PHLDB2: variants seen among roughly 807,000 people sequenced by gnomAD.
PHLDB2 encodes pleckstrin homology-like domain family B member 2.
A neutral mutation model predicts 123.6 loss-of-function variants in PHLDB2; 71 were observed. That is an observed-to-expected ratio of 0.57 (90% CI 0.47 to 0.70). PHLDB2 has a LOEUF of 0.70. PHLDB2 is among the 30% of genes least tolerant of loss of function. PHLDB2 has a pLI of 0.00. For missense variants in PHLDB2, 1,446 were observed against 1,519.5 expected, an observed-to-expected ratio of 0.95 and a Z score of 0.80; for synonymous variants, 547 against 541.6, an observed-to-expected ratio of 1.01 and a Z score of -0.14.
At chr3:111,946,181 C>A (rs985649780) in intron 9 of PHLDB2, among the ~76,000 whole-genome samples, 2 of 152,042 alleles carry the variant, frequency 1.3e-5, no homozygotes, top group African/African-American at 4.8e-5. Flanking sequence ...GCCACCACAC[C>A]CAGCTGATTT....
intron 1 of PHLDB2, among the ~76,000 whole-genome samples, chr3:111,791,746 C>A (rs2060938345): frequency 6.6e-6 from 1 of 152,070 alleles, no homozygotes; most frequent in African/African-American, 2.4e-5. Flanking sequence ...TTGATACATG[C>A]ATACTATGTG....
At chr3:111,839,414 T>A (rs1273669365) in intron 1 of PHLDB2, among the ~76,000 whole-genome samples, 1 of 152,198 alleles carries the variant, frequency 6.6e-6, no homozygotes. Flanking sequence ...TCAACAGTGA[T>A]GCGCTCTCTG....
At chr3:111,741,597 AG>A (rs1014397986) in intron 1 of PHLDB2, among the ~76,000 whole-genome samples, 1 of 152,042 alleles carries the variant, frequency 6.6e-6, no homozygotes, top group Non-Finnish European at 1.5e-5. Context: ...TAATATGAGA[AG>A]GGCATTAAAT....
chr3:111,780,271 A>AGAAGAAAGAAGAAGAAGAAG (rs34178824), intron 1 of PHLDB2, among the ~76,000 whole-genome samples: 2 of 7,790 alleles, frequency 2.6e-4, no homozygotes, highest in African/African-American at 4.1e-4. Flanking sequence ...AAGAAGAAGA[A>AGAAGAAAGAAGAAGAAGAAG]AAGAAGAAGA....
chr3:111,910,580 C>T (rs184963920), intron 2 of PHLDB2, among the ~76,000 whole-genome samples: 1 of 152,310 alleles, frequency 6.6e-6, no homozygotes, highest in African/African-American at 2.4e-5. Flanking sequence ...GAGGTTCCAG[C>T]ATAATTATTA....
chr3:111,934,209 A>G (rs1248525936), intron 6 of PHLDB2, among the ~76,000 whole-genome samples: 2 of 152,108 alleles, frequency 1.3e-5, no homozygotes, highest in East Asian at 1.9e-4. Flanking sequence ...TTCACCTTAT[A>G]TTAAGAGGTC....
chr3:111,960,314 G>A (rs564944771), intron 12 of PHLDB2: 2 of 199,304 alleles, frequency 1.0e-5, no homozygotes, highest in Non-Finnish European at 1.8e-5. Flanking sequence ...TAGTCTTGTG[G>A]TGTGCTTTTA....
At chr3:111,783,486 A>G (rs956972621) in intron 1 of PHLDB2, among the ~76,000 whole-genome samples, 2 of 152,180 alleles carry the variant, frequency 1.3e-5, no homozygotes, top group Non-Finnish European at 2.9e-5. Flanking sequence ...GAGAAACATG[A>G]GCAAGGTAAA....
At chr3:111,893,107 A>T (rs186861336) in intron 2 of PHLDB2, among the ~76,000 whole-genome samples, 33 of 152,136 alleles carry the variant, frequency 2.2e-4, no homozygotes, top group Middle Eastern at 3.4e-3. Context: ...CCCCCAAAAT[A>T]AGTTGGGCAT....
intron 1 of PHLDB2, among the ~76,000 whole-genome samples, chr3:111,769,501 G>T (rs7633037): frequency 0.93 from 140,832 of 152,210 alleles, 65,221 homozygotes; most frequent in East Asian, 1. Context: ...CATCTGAACA[G>T]TTTGTAGCTC....
At chr3:111,817,908 A>G (rs2062169734) in intron 1 of PHLDB2, among the ~76,000 whole-genome samples, 1 of 152,196 alleles carries the variant, frequency 6.6e-6, no homozygotes, top group East Asian at 1.9e-4. Flanking sequence ...TTAATATATT[A>G]TTGAAATTAA....
At chr3:111,890,251 A>G (rs1184904863) in intron 2 of PHLDB2, among the ~76,000 whole-genome samples, 15 of 152,218 alleles carry the variant, frequency 9.9e-5, no homozygotes, top group Admixed American at 9.8e-4. Flanking sequence ...CCAAAACCCC[A>G]GTGAAACTTG....
intron 2 of PHLDB2, among the ~76,000 whole-genome samples, chr3:111,847,690 TG>T (rs1301446511): frequency 2.6e-5 from 4 of 152,102 alleles, no homozygotes; most frequent in African/African-American, 4.8e-5. Flanking sequence ...CCTTACTTAC[TG>T]CACACCCAAT....
chr3:111,785,904 T>C (rs1237207273), intron 1 of PHLDB2, among the ~76,000 whole-genome samples: 5 of 152,160 alleles, frequency 3.3e-5, no homozygotes, highest in Non-Finnish European at 7.4e-5. Context: ...TATATTGACA[T>C]GAAAATTGTA....
In PHLDB2 at chr3:111,891,430, G is replaced by A. The variant is rs528057673; in HGVS notation, c.1335+6018G>A. Among the ~76,000 whole-genome samples the A allele has an allele frequency of 9.9e-5, 15 of 151,840 alleles. No individual in the cohort carries two copies. In the South Asian group the frequency reaches 1.3e-3, roughly 13 times the overall value. On this transcript the variant is annotated intron_variant, in intron 2 of 17. Transcript: ENST00000431670. ...TGCTCATGTGAGGAATCTGGGTTGCGCGCTCCTTATGAGAGTCTAATGCCC... is the reference window on the plus strand; with the variant it reads ...TGCTCATGTGAGGAATCTGGGTTGCACGCTCCTTATGAGAGTCTAATGCCC...
chr3:111,834,158 T>TTATATATGTAATAGAATTATA (rs2063243287), intron 1 of PHLDB2, among the ~76,000 whole-genome samples: 1 of 63,296 alleles, frequency 1.6e-5, no homozygotes, highest in African/African-American at 5.8e-5. Context: ...ATTATATATA[T>TTATATATGTAATAGAATTATA]TATATATGTA....
chr3:111,859,693 T>A (rs1221960201), intron 1 of PHLDB2, 117 bp downstream of exon 1: 1 of 984,716 alleles, frequency 1.0e-6, no homozygotes, highest in South Asian at 4.7e-5. Context: ...CCGGTTGCGC[T>A]GCGGAGGGTT....
chr3:111,767,760 G>C (rs2060107816), intron 1 of PHLDB2, among the ~76,000 whole-genome samples: 1 of 152,156 alleles, frequency 6.6e-6, no homozygotes, highest in Non-Finnish European at 1.5e-5. Context: ...ACCCTTGTAG[G>C]AAGCCCATTG....
intron 1 of PHLDB2, among the ~76,000 whole-genome samples, chr3:111,756,225 C>T (rs1234182652): frequency 5.3e-5 from 8 of 151,462 alleles, no homozygotes; most frequent in Non-Finnish European, 7.4e-5. Context: ...CTTTCTGTCT[C>T]GTTGATCTGT....
Sources: allele counts gnomAD v4.1 joint callset (sites outside exome capture counted in the v4.1 genomes callset), GRCh38; gene constraint gnomAD v4.1.1; transcripts MANE v1.5; gene names NCBI Gene and HGNC (gene_info 2026-07-23, HGNC 2026-07-21).